Variants in ZNF674 observed in about 807,000 individuals in gnomAD.
The protein encoded by ZNF674 is zinc finger protein 674.
Under a neutral mutation model 7.0 loss-of-function variants are expected in ZNF674, and 2 were observed. The observed-to-expected ratio is 0.29, with a 90% CI of 0.12 to 0.90. The LOEUF (loss-of-function observed/expected upper bound fraction) is 0.90, where lower values mean the gene tolerates loss of function less well. Among genes scored for constraint, ZNF674 ranks in the 40% least tolerant of loss-of-function variants. The pLI is 0.57. For missense variants in ZNF674, 297 were observed against 415.5 expected (o/e 0.71, Z 2.48); for synonymous variants, 103 against 145.2 (o/e 0.71, Z 2.09).
At chrX:46,515,032 T>C (rs1469988541) in intron 5 of ZNF674, among the ~76,000 whole-genome samples, 4 of 111,897 alleles carry the variant, frequency 3.6e-5, no homozygotes, top group Admixed American at 2.9e-4. Flanking sequence ...AACAACTTTA[T>C]ACTAATAAAT....
intron 5 of ZNF674, among the ~76,000 whole-genome samples, chrX:46,524,129 A>C (rs768670208): frequency 8.9e-6 from 1 of 111,957 alleles, no homozygotes; most frequent in East Asian, 2.8e-4. Context: ...AAGTCTACAG[A>C]ACATTTAAGA....
intron 5 of ZNF674, among the ~76,000 whole-genome samples, chrX:46,519,948 A>G (rs1475098882): frequency 1.8e-5 from 2 of 112,363 alleles, no homozygotes; most frequent in Non-Finnish European, 3.8e-5. Flanking sequence ...GAATCTCTGG[A>G]GGATTATGCT....
chrX:46,498,101 T>C lies in ZNF674; in HGVS notation c.*1742A>G, dbSNP rs1023115205. ...CATATGGTTATTGTTTTATAATATT[T>C]TTTACCTAATGATTTACCACGAACA... On this transcript the variant is annotated 3_prime_UTR_variant, in exon 6 of 6. Transcript: ENST00000683375. The C allele has an allele frequency of 1.1e-4, 12 of 111,340 alleles. No individual in the cohort carries two copies. Among genetic ancestry groups the C allele is most frequent in the African/African-American group, 3.9e-4 (12 of 30,659 alleles). The allele number at this position is 111,340 out of a possible 1,213,427, so 9.2% of individuals were successfully genotyped here.
At chrX:46,516,134 G>T (rs1941760084) in intron 5 of ZNF674, among the ~76,000 whole-genome samples, 1 of 111,777 alleles carries the variant, frequency 8.9e-6, no homozygotes, top group African/African-American at 3.3e-5. Context: ...AAGCAAGAAT[G>T]AATGAAATCG....
chrX:46,517,333 G>A (rs1206156129), intron 5 of ZNF674, among the ~76,000 whole-genome samples: 4 of 110,622 alleles, frequency 3.6e-5, no homozygotes, highest in Non-Finnish European at 7.6e-5. Context: ...GGTCTCTGGG[G>A]ACCTGCAGGA....
chrX:46,524,794 G>T (rs1391789283), intron 5 of ZNF674, among the ~76,000 whole-genome samples: 1 of 110,602 alleles, frequency 9.0e-6, no homozygotes, highest in African/African-American at 3.3e-5. Context: ...AGGATCACTT[G>T]AGGCCAGGAG....
intron 3 of ZNF674, among the ~76,000 whole-genome samples, chrX:46,532,899 G>C (rs1204500451): frequency 8.9e-6 from 1 of 111,800 alleles, no homozygotes; most frequent in Non-Finnish European, 1.9e-5. Context: ...TTTTAAGAAA[G>C]TTTACAAATT....
At chrX:46,536,581 C>T (rs1220076172) in intron 3 of ZNF674, among the ~76,000 whole-genome samples, 7 of 95,453 alleles carry the variant, frequency 7.3e-5, no homozygotes, top group African/African-American at 1.2e-4. Flanking sequence ...AGCAAGACTC[C>T]GTCTCAAAAA....
Position 46,528,417 on chromosome X carries a change from G to T in ZNF674, c.171C>A (p.Ile57=). The change falls in exon 5 of 6, where the codon ATC becomes ATA. Residue 57 remains isoleucine, a synonymous_variant. Transcript: ENST00000683375. ...VGHLVGKPDV[I]FRLGPGDESW... is the part of the protein sequence containing the mutation. Reference sequence around the variant, plus strand: ...ACTCGTCACCTGGTCCCAACCTGAAGATCACATCTGGCTTCCCAACTAGAT... The same window carrying T: ...ACTCGTCACCTGGTCCCAACCTGAATATCACATCTGGCTTCCCAACTAGAT... 2 of 1,211,383 alleles carry T rather than the reference G, an allele frequency of 1.7e-6. No homozygotes were observed. The highest frequency in any genetic ancestry group is 2.2e-6 in the Non-Finnish European group (2 of 895,318).
At chrX:46,540,761 T>C (rs1256599590) in intron 3 of ZNF674, among the ~76,000 whole-genome samples, 1 of 111,392 alleles carries the variant, frequency 9.0e-6, no homozygotes, top group Non-Finnish European at 1.9e-5. Context: ...AGGTACTGTA[T>C]ACAATAGTAA....
intron 3 of ZNF674, among the ~76,000 whole-genome samples, chrX:46,537,401 G>A (rs1354301296): frequency 9.0e-6 from 1 of 111,157 alleles, no homozygotes; most frequent in Non-Finnish European, 1.9e-5. Context: ...TTGTGGTTTT[G>A]TATATATATA....
At chrX:46,519,255 TAGATAGATAA>T (rs1941844135) in intron 5 of ZNF674, among the ~76,000 whole-genome samples, 1 of 73,995 alleles carries the variant, frequency 1.4e-5, no homozygotes, top group Non-Finnish European at 2.7e-5. Flanking sequence ...GATAGATAGA[TAGATAGATAA>T]AGATAGATGA....
intron 5 of ZNF674, among the ~76,000 whole-genome samples, chrX:46,523,977 G>A (rs1266874586): frequency 9.1e-6 from 1 of 109,807 alleles, no homozygotes; most frequent in Non-Finnish European, 1.9e-5. Context: ...AAGAGGTAGA[G>A]GTTGTGGTGA....
chrX:46,504,806 G>A (rs1941499427), intron 5 of ZNF674, among the ~76,000 whole-genome samples: 1 of 111,316 alleles, frequency 9.0e-6, no homozygotes, highest in South Asian at 3.8e-4. Context: ...AGAGGAATAG[G>A]CCTCAGGAGG....
Position 46,500,709 on chromosome X carries a change from T to C in ZNF674, c.865A>G (p.Thr289Ala), listed in dbSNP as rs1941406808. The C allele has an allele frequency of 2.5e-6, 3 of 1,211,328 alleles. No individual in the cohort carries two copies. The highest frequency in any genetic ancestry group is 3.5e-5 in the African/African-American group (2 of 57,789). ...TGAGTTCGTTGATGTTTAATCAGAG[T>C]TGACTTCTGGATAAAGGTTTTTCCA... ...ECGKTFIQKS[T>A]LIKHQRTHTG... The change falls in exon 6 of 6, where the codon ACT (threonine) becomes GCT (alanine). Residue 289 changes from threonine (T) to alanine (A), a missense_variant. Physicochemically the swap from Thr to Ala is moderately conservative, Grantham distance 58 (BLOSUM62 0). Coordinates refer to ENST00000683375, the MANE Select transcript of ZNF674 (RefSeq NM_001190417.2).
rs765705003 is a variant in ZNF674, at chrX:46,500,593, T to C, written c.981A>G (p.Arg327=). Reference sequence around the variant, plus strand: ...ATTTAATACCTTTATAAAATGCTTGTCTAATGTGTGTTTTTTCATGTCTAA... The same window carrying C: ...ATTTAATACCTTTATAAAATGCTTGCCTAATGTGTGTTTTTTCATGTCTAA... The part of the protein sequence containing the change: ...HLIRHEKTHI[R]QAFYKGIKCT... Residue 327 remains arginine (R), a synonymous_variant, in exon 6 of 6, where the codon AGA becomes AGG. Transcript: ENST00000683375. The C allele has an allele frequency of 1.7e-6, 2 of 1,211,610 alleles. No homozygotes were observed. The highest frequency in any genetic ancestry group is 1.1e-6 in the Non-Finnish European group (1 of 895,127).
chrX:46,500,589 C>T lies in ZNF674; in HGVS notation c.985G>A (p.Ala329Thr). 6 of 1,211,045 alleles carry T rather than the reference C, an allele frequency of 5.0e-6. No individual in the cohort carries two copies. Among genetic ancestry groups the T allele is most frequent in the Non-Finnish European group, 5.6e-6 (5 of 894,963 alleles). Residue 329 changes from alanine to threonine, a missense_variant, in exon 6 of 6, where the codon GCA becomes ACA. Transcript: ENST00000683375. ...IRHEKTHIRQ[A>T]FYKGIKCTTS... The stretch of plus-strand genomic sequence containing the variant: ...GTACATTTAATACCTTTATAAAATG[C>T]TTGTCTAATGTGTGTTTTTTCATGT...
intron 5 of ZNF674, among the ~76,000 whole-genome samples, chrX:46,510,088 A>G (rs1941622341): frequency 1.1e-5 from 1 of 94,381 alleles, no homozygotes; most frequent in South Asian, 5.7e-4. Flanking sequence ...GAATTGAACA[A>G]TGAGAACACA....
chrX:46,539,227 A>G (rs1444977635), intron 3 of ZNF674, among the ~76,000 whole-genome samples: 2 of 112,631 alleles, frequency 1.8e-5, no homozygotes, highest in African/African-American at 6.4e-5. Context: ...CACTAATTTC[A>G]GGAAATGTGA....
Sources: gnomAD v4.1 joint callset for allele counts (sites outside exome capture counted in the v4.1 genomes callset) on GRCh38, gnomAD v4.1.1 for gene constraint, MANE v1.5 for transcripts, NCBI Gene and HGNC (gene_info 2026-07-23, HGNC 2026-07-21) for gene names.